The following UNC5D variants were observed in gnomAD, a reference collection of about 807,000 sequenced individuals.
UNC5D encodes the protein netrin receptor UNC5D.
Under a neutral mutation model 105.4 loss-of-function variants are expected in UNC5D, and 39 were observed. That is an observed-to-expected ratio of 0.37 (90% CI 0.29 to 0.48). UNC5D has a LOEUF of 0.48. UNC5D is among the 20% of genes least tolerant of loss of function. The probability of loss-of-function intolerance (pLI) is 0.98; values close to 1 mark genes in which losing one functional copy is unlikely to be tolerated. For missense variants in UNC5D, 991 were observed against 1,202.4 expected (o/e 0.82, Z 2.60); for synonymous variants, 452 against 450.4 (o/e 1.00, Z -0.04).
At chr8:35,437,092 G>T (rs1464044310) in intron 1 of UNC5D, among the ~76,000 whole-genome samples, 2 of 151,834 alleles carry the variant, frequency 1.3e-5, no homozygotes. Flanking sequence ...TCCTGCCTCA[G>T]CTTCATGAGC....
chr8:35,535,382 G>A (rs971082398), intron 1 of UNC5D, among the ~76,000 whole-genome samples: 1 of 151,646 alleles, frequency 6.6e-6, no homozygotes, highest in South Asian at 2.1e-4. Context: ...AGCTGATTAG[G>A]TAGTACTAAA....
chr8:35,403,479 A>G (rs1023204516), intron 1 of UNC5D, among the ~76,000 whole-genome samples: 1 of 152,254 alleles, frequency 6.6e-6, no homozygotes, highest in Non-Finnish European at 1.5e-5. Context: ...AATGGAAGAA[A>G]GTGCAAATAT....
chr8:35,567,039 C>T (rs1173247878), intron 2 of UNC5D, among the ~76,000 whole-genome samples: 3 of 144,756 alleles, frequency 2.1e-5, no homozygotes, highest in Non-Finnish European at 4.5e-5. Flanking sequence ...AAGCACCAGA[C>T]AATTTGTTTA....
At chr8:35,436,732 T>A (rs902631129) in intron 1 of UNC5D, among the ~76,000 whole-genome samples, 1 of 152,022 alleles carries the variant, frequency 6.6e-6, no homozygotes, top group East Asian at 1.9e-4. Flanking sequence ...AACCCACAAA[T>A]GCTTAAGGGA....
At chr8:35,562,403 C>T (rs1301898340) in intron 2 of UNC5D, among the ~76,000 whole-genome samples, 2 of 152,030 alleles carry the variant, frequency 1.3e-5, no homozygotes, top group African/African-American at 4.8e-5. Context: ...TTTCAAGGAA[C>T]CTTTATACTG....
At chr8:35,518,154 A>G (rs114629973) in intron 1 of UNC5D, among the ~76,000 whole-genome samples, 2,471 of 152,332 alleles carry the variant, frequency 0.016, 73 homozygotes, top group African/African-American at 0.056. Flanking sequence ...AACCTTGACA[A>G]CAATTATTTA....
intron 1 of UNC5D, among the ~76,000 whole-genome samples, chr8:35,300,147 G>T (rs1263697094): frequency 1.3e-5 from 2 of 151,882 alleles, no homozygotes; most frequent in East Asian, 2.0e-4. Context: ...GTTTAGCTTG[G>T]CCTTTAGGAA....
intron 1 of UNC5D, among the ~76,000 whole-genome samples, chr8:35,505,104 T>C (rs1318346856): frequency 6.6e-6 from 1 of 152,244 alleles, no homozygotes; most frequent in Non-Finnish European, 1.5e-5. Flanking sequence ...GTGATTATTA[T>C]ACATCACATG....
At chr8:35,339,609 C>A (rs544681535) in intron 1 of UNC5D, among the ~76,000 whole-genome samples, 65 of 152,154 alleles carry the variant, frequency 4.3e-4, no homozygotes, top group Non-Finnish European at 8.4e-4. Flanking sequence ...GACCTGAATT[C>A]CTTGTGTGCT....
At chr8:35,565,724 TC>T (rs1177255305) in intron 2 of UNC5D, among the ~76,000 whole-genome samples, 2 of 152,224 alleles carry the variant, frequency 1.3e-5, no homozygotes, top group African/African-American at 4.8e-5. Context: ...AAGTCTTTAA[TC>T]CAATTTGAGT....
intron 1 of UNC5D, among the ~76,000 whole-genome samples, chr8:35,271,325 A>AGGTACCTATATTTAGGTC (rs1805286189): frequency 9.0e-6 from 1 of 111,586 alleles, no homozygotes; most frequent in Admixed American, 8.4e-5. Context: ...ATGTATATGC[A>AGGTACCTATATTTAGGTC]TACACACGTG....
intron 7 of UNC5D, among the ~76,000 whole-genome samples, chr8:35,696,619 G>A (rs964380863): frequency 4.6e-5 from 7 of 152,114 alleles, no homozygotes; most frequent in Non-Finnish European, 8.8e-5. Flanking sequence ...CCTCTGGGGT[G>A]TGCTGAACAA....
intron 12 of UNC5D, 87 bp from the exon 13 acceptor site, chr8:35,750,495 T>G: frequency 7.4e-7 from 1 of 1,347,654 alleles, no homozygotes; most frequent in East Asian, 2.3e-5. Context: ...TTTATATTTG[T>G]GTGTTTATTT....
At position 35,396,509 on chromosome 8, in the gene UNC5D, T is replaced by C. The variant is rs531304491; in HGVS notation, c.104-152783T>C. Among the ~76,000 whole-genome samples the C allele has an allele frequency of 3.1e-4, 47 of 151,764 alleles. No homozygotes were observed. In the East Asian group the frequency reaches 8.5e-3, roughly 28 times the overall value. On this transcript the variant is annotated intron_variant, in intron 1 of 16. Transcript: ENST00000404895. ...GGCTTTTATTTTCTTTTTTTTTTTT[T>C]CCCGGGAGACAAAAACCTCCCTCGG...
chr8:35,612,127 T>C (rs980212395), intron 4 of UNC5D, among the ~76,000 whole-genome samples: 7 of 152,222 alleles, frequency 4.6e-5, no homozygotes, highest in African/African-American at 1.7e-4. Context: ...GCCTTAAAGC[T>C]AAGCAACAGA....
At chr8:35,680,156 C>T (rs1449661985) in intron 4 of UNC5D, among the ~76,000 whole-genome samples, 1 of 152,106 alleles carries the variant, frequency 6.6e-6, no homozygotes, top group African/African-American at 2.4e-5. Flanking sequence ...TGTTAAATGT[C>T]AACATGAATT....
chr8:35,549,879 A>G (rs1815983426), intron 2 of UNC5D, among the ~76,000 whole-genome samples: 1 of 149,814 alleles, frequency 6.7e-6, no homozygotes, highest in Non-Finnish European at 1.5e-5. Context: ...AAGCAGCATG[A>G]TTTGAGTTTC....
In UNC5D at chr8:35,701,628, A is replaced by G. The variant is rs531095870; in HGVS notation, c.1085-4301A>G. Among the ~76,000 whole-genome samples, 251 of 152,320 alleles carry G rather than the reference A, an allele frequency of 1.6e-3. 1 individual carries two copies. The highest frequency in any genetic ancestry group is 2.9e-3 in the Non-Finnish European group (198 of 68,022). Reference sequence around the variant, plus strand: ...AGATTGTTCTCTTTCTCCATCATATAGATATATACCTCCCCCCTCATATAC... The same window carrying G: ...AGATTGTTCTCTTTCTCCATCATATGGATATATACCTCCCCCCTCATATAC... On this transcript the variant is annotated intron_variant, in intron 7 of 16. Transcript: ENST00000404895.
At chr8:35,662,536 G>T (rs1211286817) in intron 4 of UNC5D, among the ~76,000 whole-genome samples, 1 of 152,108 alleles carries the variant, frequency 6.6e-6, no homozygotes, top group Non-Finnish European at 1.5e-5. Flanking sequence ...AAAGGGAAAG[G>T]GTCGTACAGT....
Sources: gnomAD v4.1 joint callset for allele counts (sites outside exome capture counted in the v4.1 genomes callset) on GRCh38, gnomAD v4.1.1 for gene constraint, MANE v1.5 for transcripts, NCBI Gene and HGNC (gene_info 2026-07-23, HGNC 2026-07-21) for gene names.